APBA2: variants seen among roughly 807,000 people sequenced by gnomAD.
APBA2 encodes the protein amyloid beta precursor protein binding family A member 2.
In APBA2, 30 loss-of-function variants were observed where a neutral mutation model predicts 75.0. That is an observed-to-expected ratio of 0.40 (90% confidence interval 0.30 to 0.54). The LOEUF (loss-of-function observed/expected upper bound fraction) is 0.54. Ranked by LOEUF, APBA2 falls within the 20% of genes least tolerant of loss-of-function variation. The pLI is 0.49. For missense variants in APBA2, 801 were observed against 1,016.1 expected (o/e 0.79, Z 2.88); for synonymous variants, 444 against 409.6 (o/e 1.08, Z -1.01).
intron 3 of APBA2, among the ~76,000 whole-genome samples, chr15:29,029,538 T>A (rs2040385221): frequency 6.6e-6 from 1 of 152,350 alleles, no homozygotes; most frequent in Non-Finnish European, 1.5e-5. Context: ...TCTTTAACTA[T>A]CTTTGTAGCA....
intron 2 of APBA2, among the ~76,000 whole-genome samples, chr15:28,967,473 C>G (rs1455761023): frequency 1.3e-5 from 2 of 152,184 alleles, no homozygotes; most frequent in Non-Finnish European, 2.9e-5. Context: ...GAGTCTCGCT[C>G]TGTCACCTAG....
At chr15:28,941,167 C>A (rs979499928) in intron 2 of APBA2, among the ~76,000 whole-genome samples, 2 of 152,190 alleles carry the variant, frequency 1.3e-5, no homozygotes, top group African/African-American at 4.8e-5. Flanking sequence ...GGCCGCACTA[C>A]TGGGTGAGCA....
At chr15:28,907,274 G>T (rs536840111) in intron 1 of APBA2, among the ~76,000 whole-genome samples, 3 of 152,286 alleles carry the variant, frequency 2.0e-5, no homozygotes, top group South Asian at 4.2e-4. Flanking sequence ...TTTGTCATGG[G>T]TTAAGTTGCT....
chr15:28,982,071 G>C (rs968393938), intron 2 of APBA2, among the ~76,000 whole-genome samples: 1 of 152,148 alleles, frequency 6.6e-6, no homozygotes, highest in Non-Finnish European at 1.5e-5. Context: ...CCTGGATGAC[G>C]GGATTAATCA....
At chr15:28,932,352 A>G (rs1163090587) in intron 2 of APBA2, among the ~76,000 whole-genome samples, 1 of 152,142 alleles carries the variant, frequency 6.6e-6, no homozygotes, top group Non-Finnish European at 1.5e-5. Flanking sequence ...GCAGTGGGGT[A>G]GGGTTTAAAA....
intron 13 of APBA2, among the ~76,000 whole-genome samples, chr15:29,111,465 G>T (rs1217419001): frequency 6.6e-6 from 1 of 152,126 alleles, no homozygotes; most frequent in Non-Finnish European, 1.5e-5. Context: ...AGAGTGCCAG[G>T]GAGGGTTAGA....
At position 29,096,135 on chromosome 15, in the gene APBA2, C is replaced by T. The variant is rs2043838440; in HGVS notation, c.1251+1822C>T. Among the ~76,000 whole-genome samples, 2 of 152,224 alleles carry T rather than the reference C, an allele frequency of 1.3e-5. 1 individual carries two copies. ...GATGCTCAGTGTCATTGCTGAAGGT[C>T]CCTTTCCTGGCCCGGCCACAGCCAT... is the stretch of plus-strand genomic sequence containing the variant. On this transcript the variant is annotated intron_variant, in intron 8 of 14. Transcript: ENST00000683413.
At chr15:29,113,444 G>A (rs1254679304) in intron 13 of APBA2, among the ~76,000 whole-genome samples, 1 of 152,122 alleles carries the variant, frequency 6.6e-6, no homozygotes, top group Admixed American at 6.5e-5. Flanking sequence ...CAGAACAGAT[G>A]CCCCACCTTT....
At chr15:29,013,188 G>A (rs536015677) in intron 3 of APBA2, among the ~76,000 whole-genome samples, 2 of 151,108 alleles carry the variant, frequency 1.3e-5, no homozygotes, top group Admixed American at 6.6e-5. Flanking sequence ...GTGCCTCATG[G>A]TATTTTAATA....
Position 29,101,772 on chromosome 15 carries a change from C to T in APBA2, c.1512C>T (p.Phe504=), listed in dbSNP as rs781368703. ...AGTATAAGATGATCTGCCATGTGTTCGAGTCGGAGGATGTAAGTAAGCCCT... is the reference window on the plus strand; with the variant it reads ...AGTATAAGATGATCTGCCATGTGTTTGAGTCGGAGGATGTAAGTAAGCCCT... ...KKQYKMICHV[F]ESEDAQLIAQ... Residue 504 remains phenylalanine, a synonymous_variant, in exon 10 of 15, where the codon TTC becomes TTT. Coordinates refer to ENST00000683413, the MANE Select transcript of APBA2 (RefSeq NM_001353788.2). 9.9e-6 allele frequency: 16 copies of T among 1,613,194 alleles called. No individual in the cohort carries two copies. The highest frequency in any genetic ancestry group is 8.3e-5 in the Admixed American group (5 of 59,982).
chr15:28,888,928 C>T (rs1219087877), intron 1 of APBA2, among the ~76,000 whole-genome samples: 1 of 151,896 alleles, frequency 6.6e-6, no homozygotes, highest in Admixed American at 6.6e-5. Flanking sequence ...GATGGTTGCT[C>T]ACCAGGAGGC....
chr15:29,105,320 G>T, intron 10 of APBA2, 59 bp from the exon 11 acceptor site: 1 of 1,553,230 alleles, frequency 6.4e-7, no homozygotes, highest in Non-Finnish European at 8.7e-7. Flanking sequence ...CCCCTGCTGA[G>T]GAGGCTGCGG....
intron 3 of APBA2, among the ~76,000 whole-genome samples, chr15:29,032,659 C>T (rs2040546718): frequency 6.6e-6 from 1 of 152,172 alleles, no homozygotes; most frequent in Admixed American, 6.5e-5. Flanking sequence ...CATGTGTCTC[C>T]TGGACCCTCC....
At chr15:28,890,260 G>C (rs35693205) in intron 1 of APBA2, among the ~76,000 whole-genome samples, 66,284 of 152,026 alleles carry the variant, frequency 0.44, 14,731 homozygotes, top group Non-Finnish European at 0.47. Flanking sequence ...GGGAAGGTAA[G>C]CAGCCCAAAG....
chr15:28,892,266 G>A (rs1295476166), intron 1 of APBA2, among the ~76,000 whole-genome samples: 5 of 152,174 alleles, frequency 3.3e-5, no homozygotes, highest in Non-Finnish European at 5.9e-5. Flanking sequence ...TAGTAGAGAC[G>A]GGGTTTCACT....
At chr15:29,010,325 C>T (rs1238217409) in intron 3 of APBA2, among the ~76,000 whole-genome samples, 3 of 152,144 alleles carry the variant, frequency 2.0e-5, no homozygotes, top group Non-Finnish European at 2.9e-5. Context: ...GTGGTGCGAT[C>T]TCAGCTCACT....
chr15:29,003,622 T>G (rs1040677586), intron 3 of APBA2, among the ~76,000 whole-genome samples: 13 of 152,098 alleles, frequency 8.5e-5, no homozygotes, highest in Non-Finnish European at 1.6e-4. Flanking sequence ...AGAGAAGCAG[T>G]AAGGGATGGA....
At chr15:29,109,965 G>A (rs749851945) in intron 13 of APBA2, among the ~76,000 whole-genome samples, 4 of 152,222 alleles carry the variant, frequency 2.6e-5, no homozygotes, top group South Asian at 2.1e-4. Flanking sequence ...TGCGCCTGCC[G>A]CAGGAGCTCG....
At chr15:28,969,669 G>A (rs1193085521) in intron 2 of APBA2, among the ~76,000 whole-genome samples, 1 of 152,144 alleles carries the variant, frequency 6.6e-6, no homozygotes, top group East Asian at 1.9e-4. Flanking sequence ...CAAGGTGTCC[G>A]GAGTTGGAGG....
Sources: gnomAD v4.1 joint callset for allele counts (sites outside exome capture counted in the v4.1 genomes callset) on GRCh38, gnomAD v4.1.1 for gene constraint, MANE v1.5 for transcripts, NCBI Gene and HGNC (gene_info 2026-07-23, HGNC 2026-07-21) for gene names.